EPS15: variants seen among roughly 807,000 people sequenced by gnomAD.
EPS15 encodes epidermal growth factor receptor substrate 15.
In EPS15, 72 loss-of-function variants were observed where a neutral mutation model predicts 113.8. The observed-to-expected ratio is 0.63, with a 90% CI of 0.52 to 0.77. The LOEUF (loss-of-function observed/expected upper bound fraction) is 0.77. Among genes scored for constraint, EPS15 ranks in the 30% least tolerant of loss-of-function variants. The probability of loss-of-function intolerance (pLI) is 0.00; values close to 1 mark genes in which losing one functional copy is unlikely to be tolerated. For missense variants in EPS15, 1,048 were observed against 1,045.8 expected (o/e 1.00, Z -0.03); for synonymous variants, 344 against 363.4 (o/e 0.95, Z 0.61).
chr1:51,517,318 T>C (rs1275765290), intron 1 of EPS15, among the ~76,000 whole-genome samples: 1 of 152,236 alleles, frequency 6.6e-6, no homozygotes, highest in East Asian at 1.9e-4. Flanking sequence ...ATTCCGTACT[T>C]ACTGTGTACA....
At chr1:51,372,935 A>C in intron 21 of EPS15, 10 of 665,654 alleles carry the variant, frequency 1.5e-5, no homozygotes, top group Non-Finnish European at 2.1e-5. Flanking sequence ...CCACCAGATC[A>C]TTAGCTGCAG....
At chr1:51,363,297 C>CAAAAAAA (rs34317809) in intron 23 of EPS15, among the ~76,000 whole-genome samples, 1 of 76,760 alleles carries the variant, frequency 1.3e-5, no homozygotes, top group Non-Finnish European at 2.6e-5. Context: ...GATTCCATCT[C>CAAAAAAA]AAAAAAAAAA....
intron 1 of EPS15, among the ~76,000 whole-genome samples, chr1:51,497,023 A>G (rs1336899002): frequency 6.6e-6 from 1 of 152,214 alleles, no homozygotes; most frequent in Non-Finnish European, 1.5e-5. Context: ...AAAGAATGAA[A>G]TGAGTAACTG....
Position 51,402,535 on chromosome 1 carries a change from ATTTTAAATTAAAATTAT to A in EPS15, c.1792-27_1792-11del. On this transcript the variant is annotated splice_polypyrimidine_tract_variant and intron_variant, in intron 17 of 24. Transcript: ENST00000371733. The stretch of plus-strand genomic sequence containing the variant: ...CATTAAATGGATCTTCCTAAAAATA[ATTTTAAATTAAAATTAT>A]TTTTTAGAAACCAAAGTTTTAAAAG... 1 of 1,382,972 alleles carries A rather than the reference ATTTTAAATTAAAATTAT, an allele frequency of 7.2e-7. No homozygotes were observed. Among genetic ancestry groups the A allele is most frequent in the East Asian group, 2.3e-5 (1 of 42,938 alleles). 85.7% of individuals were successfully genotyped at this position (1,382,972 alleles called of 1,614,324 possible).
intron 23 of EPS15, 132 bp downstream of exon 23, chr1:51,363,734 G>T: frequency 1.4e-6 from 1 of 692,494 alleles, no homozygotes; most frequent in Non-Finnish European, 2.3e-6. Flanking sequence ...CAGAATGAAT[G>T]ACAGCAGCAG....
chr1:51,469,445 T>G (rs1655087908), intron 4 of EPS15, among the ~76,000 whole-genome samples: 1 of 152,176 alleles, frequency 6.6e-6, no homozygotes, highest in Admixed American at 6.5e-5. Context: ...GCAGTTGAAG[T>G]CTTAGTCCAA....
At chr1:51,507,167 TATA>T (rs1570448390) in intron 1 of EPS15, among the ~76,000 whole-genome samples, 1 of 152,290 alleles carries the variant, frequency 6.6e-6, no homozygotes. Flanking sequence ...AATTCAATAA[TATA>T]ATAAGTACCA....
rs891459105 is a variant in EPS15, at chr1:51,502,680, T to C, written c.33+16519A>G. Among the ~76,000 whole-genome samples the C allele has an allele frequency of 2.0e-5, 3 of 152,174 alleles. 1 individual carries two copies. The highest frequency in any genetic ancestry group is 2.0e-4 in the Admixed American group (3 of 15,276). On this transcript the variant is annotated intron_variant, in intron 1 of 24. Coordinates refer to ENST00000371733, the MANE Select transcript of EPS15 (RefSeq NM_001981.3). ...TAAAAAAATTTTTGTTTTTATACAC[T>C]TCCAACGAAGAATCTGTAAATGAAA... is the stretch of plus-strand genomic sequence containing the variant.
At chr1:51,377,948 T>C (rs991142507) in intron 21 of EPS15, among the ~76,000 whole-genome samples, 2 of 147,084 alleles carry the variant, frequency 1.4e-5, no homozygotes, top group African/African-American at 2.5e-5. Flanking sequence ...CAGGCTGGAG[T>C]GTAATGGCAC....
At chr1:51,495,364 T>TG (rs1644307928) in intron 1 of EPS15, among the ~76,000 whole-genome samples, 1 of 151,680 alleles carries the variant, frequency 6.6e-6, no homozygotes, top group Non-Finnish European at 1.5e-5. Context: ...TTTTTTTTTT[T>TG]GCTGGCAAGT....
In EPS15 at chr1:51,356,651, T is replaced by C; in HGVS notation, c.*49A>G. 1 of 1,524,698 alleles carries C rather than the reference T, an allele frequency of 6.6e-7. No homozygotes were observed. Among genetic ancestry groups the C allele is most frequent in the Non-Finnish European group, 9.0e-7 (1 of 1,113,680 alleles). 94.4% of individuals were successfully genotyped at this position (1,524,698 alleles called of 1,614,324 possible). On this transcript the variant is annotated 3_prime_UTR_variant, in exon 25 of 25. Coordinates refer to ENST00000371733, the MANE Select transcript of EPS15 (RefSeq NM_001981.3). Reference sequence around the variant, plus strand: ...TGATACACATTGTAAATAGTTTCAGTATTCAGGAAGAAGAATACTATATTG... The same window carrying C: ...TGATACACATTGTAAATAGTTTCAGCATTCAGGAAGAAGAATACTATATTG...
chr1:51,431,204 A>G (rs529228177), intron 12 of EPS15, among the ~76,000 whole-genome samples: 22 of 152,286 alleles, frequency 1.4e-4, no homozygotes, highest in African/African-American at 5.3e-4. Flanking sequence ...AATTCTGTGA[A>G]AGTATGATGG....
At chr1:51,460,955 A>G (rs1010301369) in intron 8 of EPS15, 136 bp downstream of exon 8, 22 of 598,162 alleles carry the variant, frequency 3.7e-5, no homozygotes, top group Non-Finnish European at 5.9e-5. Flanking sequence ...CTCTGTCTCA[A>G]AAAGAAAAAA....
chr1:51,376,267 A>G (rs1305955318), intron 21 of EPS15, among the ~76,000 whole-genome samples: 1 of 152,252 alleles, frequency 6.6e-6, no homozygotes, highest in Non-Finnish European at 1.5e-5. Context: ...TAGAAATAAA[A>G]TAACAAAGCC....
At chr1:51,449,755 G>A (rs1653382405) in intron 8 of EPS15, among the ~76,000 whole-genome samples, 1 of 151,514 alleles carries the variant, frequency 6.6e-6, no homozygotes, top group South Asian at 2.1e-4. Context: ...TTTGGGGAAG[G>A]GGTGGGGGTG....
In EPS15 at chr1:51,403,443, G is replaced by A. The variant is rs759407092; in HGVS notation, c.1767C>T (p.Leu589=). The A allele has an allele frequency of 7.6e-5, 121 of 1,600,756 alleles. No homozygotes were observed. Among genetic ancestry groups the A allele is most frequent in the South Asian group, 2.2e-4 (20 of 89,724 alleles). The change falls in exon 17 of 25, where the codon CTC becomes CTT. Residue 589 remains leucine (L), a synonymous_variant. Coordinates refer to ENST00000371733, the MANE Select transcript of EPS15 (RefSeq NM_001981.3). The part of the protein sequence containing the change: ...TAVTEKVCSE[L]DNNRHSKEED... ...CCTCTTTTGAATGTCTATTATTGTC[G>A]AGTTCAGAACAAACTTTTTCAGTAA...
intron 21 of EPS15, among the ~76,000 whole-genome samples, chr1:51,370,323 G>A (rs1646615677): frequency 6.6e-6 from 1 of 152,166 alleles, no homozygotes; most frequent in African/African-American, 2.4e-5. Context: ...TGAAATGCTT[G>A]GGAGAAGGAG....
At chr1:51,459,268 G>A (rs1191809152) in intron 8 of EPS15, 5 of 152,184 alleles carry the variant, frequency 3.3e-5, no homozygotes, top group East Asian at 1.9e-4. Context: ...AGGCTGAGGC[G>A]GGAGGATCAC....
intron 14 of EPS15, among the ~76,000 whole-genome samples, 161 bp from the exon 15 acceptor site, chr1:51,408,493 G>A (rs1348837261): frequency 1.3e-5 from 2 of 152,190 alleles, no homozygotes; most frequent in Admixed American, 1.3e-4. Context: ...GAGAGAGAGA[G>A]TCTTGCTATG....
Sources: gnomAD v4.1 joint callset for allele counts (sites outside exome capture counted in the v4.1 genomes callset) on GRCh38, gnomAD v4.1.1 for gene constraint, MANE v1.5 for transcripts, NCBI Gene and HGNC (gene_info 2026-07-23, HGNC 2026-07-21) for gene names.